SPRY3: variants seen among roughly 807,000 people sequenced by gnomAD.
The protein encoded by SPRY3 is sprouty RTK signaling antagonist 3, also known as protein sprouty homolog 3.
Under a neutral mutation model 20.2 loss-of-function variants are expected in SPRY3, and 15 were observed. The ratio of observed to expected loss-of-function variants is 0.74; its 90% CI spans 0.50 to 1.14. SPRY3 has a LOEUF of 1.14. SPRY3 is among the 50% of genes most tolerant of loss of function. The pLI, the probability that SPRY3 is intolerant of heterozygous loss-of-function variation, is 0.00. For synonymous variants in SPRY3, 143 were observed against 136.5 expected, an observed-to-expected ratio of 1.05 and a Z score of -0.33; for missense variants, 364 against 363.9, an observed-to-expected ratio of 1.00 and a Z score of 0.00.
At chrX:155,749,651 G>A (rs1015234602) in intron 2 of SPRY3, among the ~76,000 whole-genome samples, 2 of 151,754 alleles carry the variant, frequency 1.3e-5, no homozygotes, top group African/African-American at 4.8e-5. Context: ...ATTGAGGTGA[G>A]GGCAATAAGA....
chrX:155,741,855 T>C (rs1032325412), intron 2 of SPRY3, among the ~76,000 whole-genome samples: 3 of 152,080 alleles, frequency 2.0e-5, no homozygotes, highest in African/African-American at 7.2e-5. Flanking sequence ...GCACTAAATA[T>C]GGAAAGGAAA....
chrX:155,648,352 T>C (rs1196985903), intron 1 of SPRY3, among the ~76,000 whole-genome samples: 1 of 113,026 alleles, frequency 8.8e-6, no homozygotes, highest in Non-Finnish European at 1.9e-5. Flanking sequence ...GCTTTTGGTG[T>C]TTTAGTCATG....
chrX:155,660,643 G>T (rs1557353580), intron 2 of SPRY3, among the ~76,000 whole-genome samples: 2 of 111,284 alleles, frequency 1.8e-5, no homozygotes, highest in African/African-American at 6.5e-5. Flanking sequence ...CTATTGCATT[G>T]CTGTCTATCT....
intron 2 of SPRY3, among the ~76,000 whole-genome samples, chrX:155,666,093 C>T (rs2068023728): frequency 9.1e-6 from 1 of 110,288 alleles, no homozygotes; most frequent in East Asian, 2.9e-4. Context: ...ACACCATTTC[C>T]AGCTGAAGGA....
chrX:155,664,315 T>G (rs889533091), intron 2 of SPRY3, among the ~76,000 whole-genome samples: 2 of 109,881 alleles, frequency 1.8e-5, no homozygotes, highest in Non-Finnish European at 3.8e-5. Context: ...AATCAAGATA[T>G]CAACAATAAA....
chrX:155,736,875 AT>A (rs903242492), intron 2 of SPRY3, among the ~76,000 whole-genome samples: 4 of 151,668 alleles, frequency 2.6e-5, no homozygotes, highest in African/African-American at 9.7e-5. Context: ...TGAATATTCT[AT>A]TTTTTCACTA....
intron 2 of SPRY3, chrX:155,767,720 A>AAGAGGAGGAGCAGGAGAG (rs1603002310): frequency 1.6e-5 from 1 of 64,458 alleles, no homozygotes; most frequent in Non-Finnish European, 3.0e-5. Context: ...GAGGAGGAGA[A>AAGAGGAGGAGCAGGAGAG]AGAGGAGGAG....
chrX:155,746,651 G>A (rs2124578223), intron 2 of SPRY3, among the ~76,000 whole-genome samples: 1 of 151,934 alleles, frequency 6.6e-6, no homozygotes, highest in South Asian at 2.1e-4. Flanking sequence ...CTTTACCTTG[G>A]TTGTGTTTGA....
intron 2 of SPRY3, among the ~76,000 whole-genome samples, chrX:155,732,849 C>T (rs149305760): frequency 1.3e-5 from 2 of 152,020 alleles, no homozygotes; most frequent in East Asian, 1.9e-4. Context: ...TTTGCAACAA[C>T]GTGGATGGCA....
At chrX:155,726,683 C>T (rs1251538490) in intron 2 of SPRY3, among the ~76,000 whole-genome samples, 2 of 152,152 alleles carry the variant, frequency 1.3e-5, no homozygotes, top group African/African-American at 4.8e-5. Flanking sequence ...GTAGATCTTC[C>T]TCCATCCCTT....
intron 3 of SPRY3, among the ~76,000 whole-genome samples, chrX:155,769,834 A>T (rs1403201848): frequency 6.6e-6 from 1 of 152,198 alleles, no homozygotes; most frequent in East Asian, 1.9e-4. Context: ...TGTATGCGGT[A>T]GGAGGGAGGC....
At chrX:155,691,130 C>T (rs866813994) in intron 2 of SPRY3, among the ~76,000 whole-genome samples, 2 of 87,034 alleles carry the variant, frequency 2.3e-5, no homozygotes, top group Non-Finnish European at 4.3e-5. Flanking sequence ...TTTAATTTTT[C>T]GTGTTTAACC....
chrX:155,716,378 G>GTTTCATC (rs1403031294), intron 2 of SPRY3, among the ~76,000 whole-genome samples: 1 of 151,880 alleles, frequency 6.6e-6, no homozygotes, highest in Non-Finnish European at 1.5e-5. Context: ...TTGTCATTTA[G>GTTTCATC]TTTCATCTAG....
At chrX:155,662,077 G>A (rs2124553091) in intron 2 of SPRY3, among the ~76,000 whole-genome samples, 1 of 112,068 alleles carries the variant, frequency 8.9e-6, no homozygotes, top group Admixed American at 9.5e-5. Flanking sequence ...TTGCTAGAGA[G>A]CTAGTGTGAT....
chrX:155,749,882 G>A (rs2091251920), intron 2 of SPRY3, among the ~76,000 whole-genome samples: 1 of 151,758 alleles, frequency 6.6e-6, no homozygotes, highest in South Asian at 2.1e-4. Flanking sequence ...TACCCAGTGG[G>A]ATACATTATT....
At chrX:155,714,211 C>A (rs778437444) in intron 2 of SPRY3, among the ~76,000 whole-genome samples, 2 of 152,262 alleles carry the variant, frequency 1.3e-5, no homozygotes, top group South Asian at 4.2e-4. Flanking sequence ...GCCTTATTTA[C>A]TTCATTTGAT....
intron 2 of SPRY3, among the ~76,000 whole-genome samples, chrX:155,717,060 G>A (rs2091028458): frequency 7.0e-6 from 1 of 143,614 alleles, no homozygotes; most frequent in East Asian, 2.0e-4. Context: ...TCGGGAGGCT[G>A]AGGCAGGATA....
intron 2 of SPRY3, among the ~76,000 whole-genome samples, chrX:155,767,170 A>G (rs1464621795): frequency 3.9e-5 from 6 of 151,928 alleles, no homozygotes; most frequent in Non-Finnish European, 8.8e-5. Context: ...CATCTGGATG[A>G]CGCCACTTCG....
intron 2 of SPRY3, among the ~76,000 whole-genome samples, chrX:155,684,634 A>G (rs990474911): frequency 4.5e-5 from 5 of 111,706 alleles, no homozygotes; most frequent in Non-Finnish European, 9.4e-5. Flanking sequence ...TTTTGCTTTC[A>G]ATCATCAAAC....
Sources: gnomAD v4.1 joint callset for allele counts (sites outside exome capture counted in the v4.1 genomes callset) on GRCh38, gnomAD v4.1.1 for gene constraint, MANE v1.5 for transcripts, NCBI Gene and HGNC (gene_info 2026-07-23, HGNC 2026-07-21) for gene names.